Variants in MICAL2 observed in about 807,000 individuals in gnomAD.
MICAL2 encodes [F-actin]-monooxygenase MICAL2.
In MICAL2, 77 loss-of-function variants were observed where a neutral mutation model predicts 127.3. That is an observed-to-expected ratio of 0.60 (90% confidence interval 0.50 to 0.73). The LOEUF (loss-of-function observed/expected upper bound fraction) is 0.73, where lower values mean the gene tolerates loss of function less well. Ranked by LOEUF, MICAL2 falls within the 30% of genes least tolerant of loss-of-function variation. The pLI is 0.00. For missense variants in MICAL2, 1,351 were observed against 1,434.4 expected, an observed-to-expected ratio of 0.94 and a Z score of 0.94; for synonymous variants, 570 against 551.1, an observed-to-expected ratio of 1.03 and a Z score of -0.48.
intron 1 of MICAL2, among the ~76,000 whole-genome samples, chr11:12,124,576 A>G (rs544659453): frequency 2.6e-5 from 4 of 152,188 alleles, no homozygotes; most frequent in Non-Finnish European, 5.9e-5. Context: ...CTCATCTGTG[A>G]ACGTTTTCCG....
chr11:12,205,181 G>A (rs1157425447), intron 4 of MICAL2, among the ~76,000 whole-genome samples: 8 of 152,162 alleles, frequency 5.3e-5, no homozygotes, highest in Non-Finnish European at 7.3e-5. Flanking sequence ...AGGGAGAGAC[G>A]AGTGCTGAGG....
At chr11:12,205,991 A>T (rs1854632614) in intron 4 of MICAL2, among the ~76,000 whole-genome samples, 1 of 152,218 alleles carries the variant, frequency 6.6e-6, no homozygotes, top group Non-Finnish European at 1.5e-5. Context: ...CACATAGGGT[A>T]TAATTTATTC....
intron 1 of MICAL2, among the ~76,000 whole-genome samples, chr11:12,277,290 G>C (rs1250149366): frequency 6.6e-6 from 1 of 151,972 alleles, no homozygotes; most frequent in East Asian, 1.9e-4. Flanking sequence ...TGAGCCCCAG[G>C]CTTGACAACG....
rs898840544 is a variant in MICAL2, at chr11:12,241,155, A to G, written c.2330A>G (p.Lys777Arg). 1 of 1,613,656 alleles carries G rather than the reference A, an allele frequency of 6.2e-7. No homozygotes were observed. The highest frequency in any genetic ancestry group is 8.5e-7 in the Non-Finnish European group (1 of 1,179,808). The change falls in exon 18 of 28, where the codon AAA becomes AGA. Residue 777 changes from lysine (K) to arginine (R), a missense_variant. Physicochemically the swap from Lys to Arg is conservative, Grantham distance 26 (BLOSUM62 2). This residue lies in a region of MICAL2 where 752 missense variants were observed against 719.4 expected (regional missense o/e 1.05). Transcript: ENST00000683283. ...ACACCCAGCCCATCACCTCCTCTGAAAAGGCAGGTAGGGCTCCTTCCAGTG... is the reference window on the plus strand; with the variant it reads ...ACACCCAGCCCATCACCTCCTCTGAGAAGGCAGGTAGGGCTCCTTCCAGTG... ...EATPSPSPPL[K>R]RQFPSVVVTG...
chr11:12,315,825 G>C (rs1039831409), intron 29 of MICAL2, among the ~76,000 whole-genome samples: 3 of 152,026 alleles, frequency 2.0e-5, no homozygotes, highest in Non-Finnish European at 4.4e-5. Context: ...AAGAGAAAAG[G>C]GTTAATACCC....
downstream of MICAL2, among the ~76,000 whole-genome samples, chr11:12,265,148 G>A (rs1212899864): frequency 1.3e-5 from 2 of 152,200 alleles, no homozygotes; most frequent in Non-Finnish European, 2.9e-5. Context: ...GATCTTGCCA[G>A]TCCTCCCCCG....
In MICAL2 at chr11:12,208,019, AC is replaced by A; in HGVS notation, c.473-3del. Reference sequence around the variant, plus strand: ...ACAGTTCCTCTCTCCTTCCTGCCTGACAGGTATTCGCCAACTACAGCTCATC... The same window carrying A: ...ACAGTTCCTCTCTCCTTCCTGCCTGAAGGTATTCGCCAACTACAGCTCATC... On this transcript the variant is annotated splice_polypyrimidine_tract_variant and splice_region_variant and intron_variant, in intron 4 of 27. Transcript: ENST00000683283. The A allele has an allele frequency of 6.2e-7, 1 of 1,610,978 alleles. No homozygotes were observed. Among genetic ancestry groups the A allele is most frequent in the South Asian group, 1.1e-5 (1 of 91,020 alleles).
chr11:12,204,351 C>G lies in MICAL2; in HGVS notation c.366C>G (p.Ser122=). ...VVVVEKRDSF[S]RNNVLHLWPF... is the part of the protein sequence containing the mutation. ...TGGTGGAGAAGAGGGACTCCTTCTC[C>G]CGGAACAACGTGCTACACCTCTGGC... The change falls in exon 4 of 28, where the codon TCC becomes TCG. Residue 122 remains serine (S), a synonymous_variant. Transcript: ENST00000683283. 6.2e-7 allele frequency: 1 copy of G among 1,614,158 alleles called. No individual in the cohort carries two copies. Among genetic ancestry groups the G allele is most frequent in the Non-Finnish European group, 8.5e-7 (1 of 1,180,018 alleles).
At chr11:12,187,067 G>T (rs1028558048) in intron 3 of MICAL2, among the ~76,000 whole-genome samples, 4 of 152,174 alleles carry the variant, frequency 2.6e-5, no homozygotes, top group African/African-American at 9.7e-5. Context: ...TGAGGCTCCA[G>T]CGAGGACTCT....
chr11:12,162,518 G>A, intron 3 of MICAL2, 99 bp downstream of exon 3: 1 of 1,389,368 alleles, frequency 7.2e-7, no homozygotes, highest in Admixed American at 2.2e-5. Context: ...ACGGTTCTTA[G>A]GTGTGGGTGT....
intron 32 of MICAL2, among the ~76,000 whole-genome samples, chr11:12,339,469 G>A (rs1389618482): frequency 6.6e-6 from 1 of 152,114 alleles, no homozygotes; most frequent in African/African-American, 2.4e-5. Flanking sequence ...TCTCCATCCA[G>A]CTTTGTTCCG....
chr11:12,217,664 T>TAA (rs1856353161), intron 8 of MICAL2, among the ~76,000 whole-genome samples: 1 of 152,116 alleles, frequency 6.6e-6, no homozygotes, highest in Non-Finnish European at 1.5e-5. Flanking sequence ...CAGAGCACCG[T>TAA]GGCCTCCTGG....
chr11:12,128,949 TTA>T (rs1851176875), intron 1 of MICAL2, among the ~76,000 whole-genome samples: 1 of 152,232 alleles, frequency 6.6e-6, no homozygotes, highest in Admixed American at 6.5e-5. Context: ...AGAGTTATTA[TTA>T]TGTTAACAAT....
chr11:12,286,942 G>A (rs1458127223), intron 2 of MICAL2: 5 of 392,816 alleles, frequency 1.3e-5, no homozygotes, highest in Non-Finnish European at 2.2e-5. Flanking sequence ...TATGGTGTGA[G>A]GGAAGGAGAG....
At chr11:12,192,501 C>T (rs1487130195) in intron 3 of MICAL2, among the ~76,000 whole-genome samples, 5 of 152,190 alleles carry the variant, frequency 3.3e-5, no homozygotes, top group African/African-American at 9.7e-5. Flanking sequence ...AAGCAAGGCA[C>T]GGTGGCTCAC....
intron 26 of MICAL2, chr11:12,260,151 C>T (rs1862899328): frequency 1.3e-6 from 2 of 1,525,958 alleles, no homozygotes; most frequent in Non-Finnish European, 8.8e-7. Flanking sequence ...TGCTCAGGTG[C>T]TTCCCAGTCA....
chr11:12,269,425 C>T (rs1863646750), intron 24 of MICAL2, among the ~76,000 whole-genome samples: 1 of 152,216 alleles, frequency 6.6e-6, no homozygotes, highest in African/African-American at 2.4e-5. Flanking sequence ...AGGCTCCAGA[C>T]ATGCTGCTGT....
At chr11:12,187,411 C>T (rs1359123364) in intron 3 of MICAL2, among the ~76,000 whole-genome samples, 1 of 152,200 alleles carries the variant, frequency 6.6e-6, no homozygotes, top group Non-Finnish European at 1.5e-5. Flanking sequence ...CCTGGGTCTC[C>T]ATCCTTACAA....
downstream of MICAL2, among the ~76,000 whole-genome samples, chr11:12,266,698 AG>A (rs1339046585): frequency 6.6e-6 from 1 of 152,210 alleles, no homozygotes; most frequent in Non-Finnish European, 1.5e-5. Flanking sequence ...CCCACAGCCC[AG>A]GCTAGGAGTC....
Sources: allele counts gnomAD v4.1 joint callset (sites outside exome capture counted in the v4.1 genomes callset), GRCh38; gene constraint gnomAD v4.1.1; regional missense constraint gnomAD v4.1.1; transcripts MANE v1.5; gene names NCBI Gene and HGNC (gene_info 2026-07-23, HGNC 2026-07-21).